The following ABCB1 variants were observed in gnomAD, a reference collection of about 807,000 sequenced individuals.
The protein encoded by ABCB1 is ATP-dependent translocase ABCB1.
Under a neutral mutation model 142.0 loss-of-function variants are expected in ABCB1, and 69 were observed. The ratio of observed to expected loss-of-function variants is 0.49; its 90% confidence interval spans 0.40 to 0.59. The LOEUF (loss-of-function observed/expected upper bound fraction) is 0.59, where lower values mean the gene tolerates loss of function less well. Ranked by LOEUF, ABCB1 falls within the 20% of genes least tolerant of loss-of-function variation. The pLI is 0.00. For synonymous variants in ABCB1, 532 were observed against 539.2 expected, an observed-to-expected ratio of 0.99 and a Z score of 0.18; for missense variants, 1,326 against 1,554.7, an observed-to-expected ratio of 0.85 and a Z score of 2.47.
At chr7:87,602,062 C>T (rs1199660805), upstream of ABCB1, among the ~76,000 whole-genome samples, 1 of 152,006 alleles carries the variant, frequency 6.6e-6, no homozygotes, top group East Asian at 1.9e-4. Flanking sequence ...GGCAGGATCT[C>T]GGCTCACTGC....
intron 1 of ABCB1, chr7:87,628,701 A>G (rs1414293845): frequency 1.8e-6 from 1 of 566,886 alleles, no homozygotes; most frequent in Non-Finnish European, 2.6e-6. Context: ...TCCTCCCTCC[A>G]GGCTCCTTTC....
Position 87,649,096 on chromosome 7 carries a change from C to T in ABCB1, c.-330-48018G>A, listed in dbSNP as rs73705292. Among the ~76,000 whole-genome samples, 492 of 152,088 alleles carry T rather than the reference C, an allele frequency of 3.2e-3. 3 individuals carry two copies. The highest frequency in any genetic ancestry group is 0.011 in the African/African-American group (463 of 41,492). On this transcript the variant is annotated intron_variant, in intron 1 of 28. Coordinates refer to the ABCB1 transcript ENST00000265724. ...AGCTCCCCTTATCTTCTTGATTCCC[C>T]ACTGTCTTAGGCACTCATATACCAT...
At chr7:87,702,142 CAAAAAAAAAA>C (rs146127516) in intron 1 of ABCB1, among the ~76,000 whole-genome samples, 12 of 16,772 alleles carry the variant, frequency 7.2e-4, no homozygotes, top group East Asian at 5.2e-3. Context: ...GACTCTGTCT[CAAAAAAAAAA>C]AAAAAAAAAA....
intron 1 of ABCB1, among the ~76,000 whole-genome samples, chr7:87,635,846 G>A (rs1267733184): frequency 6.6e-6 from 1 of 152,144 alleles, no homozygotes; most frequent in African/African-American, 2.4e-5. Flanking sequence ...GAATAATACA[G>A]TATAGACCTT....
chr7:87,538,916 C>A (rs139596740), intron 19 of ABCB1, among the ~76,000 whole-genome samples: 1 of 151,990 alleles, frequency 6.6e-6, no homozygotes, highest in Admixed American at 6.6e-5. Context: ...AAGAAACACT[C>A]GTGCCCTGGG....
At chr7:87,708,591 C>T (rs1196328269) in intron 1 of ABCB1, among the ~76,000 whole-genome samples, 1 of 152,038 alleles carries the variant, frequency 6.6e-6, no homozygotes, top group African/African-American at 2.4e-5. Context: ...TAAGAGTTGT[C>T]TGTCAGATAT....
intron 6 of ABCB1, 121 bp downstream of exon 6, chr7:87,566,664 T>C: frequency 9.8e-7 from 1 of 1,022,346 alleles, no homozygotes; most frequent in South Asian, 1.4e-5. Context: ...TTAGAAGGAA[T>C]TTTGTCTCAT....
intron 1 of ABCB1, among the ~76,000 whole-genome samples, chr7:87,657,340 C>T (rs917818908): frequency 2.6e-5 from 4 of 152,128 alleles, no homozygotes; most frequent in African/African-American, 9.7e-5. Flanking sequence ...AGCCAAAGGA[C>T]CAGAGAAAGA....
intron 1 of ABCB1, among the ~76,000 whole-genome samples, chr7:87,686,776 G>GA (rs555870738): frequency 0.022 from 2,357 of 106,930 alleles, 31 homozygotes; most frequent in African/African-American, 0.042. Context: ...CCCGCCTCTA[G>GA]AAAAAAAAAA....
At chr7:87,692,039 G>A (rs1044363705) in intron 1 of ABCB1, among the ~76,000 whole-genome samples, 3 of 152,242 alleles carry the variant, frequency 2.0e-5, no homozygotes, top group Non-Finnish European at 4.4e-5. Flanking sequence ...TATAATTAAA[G>A]CAATTACATC....
chr7:87,513,364 G>A (rs1815100439), intron 25 of ABCB1, among the ~76,000 whole-genome samples: 1 of 152,100 alleles, frequency 6.6e-6, no homozygotes, highest in African/African-American at 2.4e-5. Context: ...AACTGATGCT[G>A]TCCATGTTTT....
chr7:87,561,529 T>C (rs1817563860), intron 7 of ABCB1, 142 bp from the exon 8 acceptor site: 1 of 824,818 alleles, frequency 1.2e-6, no homozygotes, highest in African/African-American at 1.7e-5. Context: ...GCCTTTGGTC[T>C]GTATTAACAG....
At chr7:87,543,965 A>G (rs1318358577) in intron 17 of ABCB1, among the ~76,000 whole-genome samples, 164 bp downstream of exon 17, 1 of 152,248 alleles carries the variant, frequency 6.6e-6, no homozygotes, top group Non-Finnish European at 1.5e-5. Flanking sequence ...TAGCTCTCCT[A>G]TCACAAACCA....
At chr7:87,650,399 C>T (rs1823456412) in intron 1 of ABCB1, among the ~76,000 whole-genome samples, 1 of 151,858 alleles carries the variant, frequency 6.6e-6, no homozygotes, top group Non-Finnish European at 1.5e-5. Context: ...CTGGTGAGAG[C>T]CCATTCCTCA....
intron 1 of ABCB1, among the ~76,000 whole-genome samples, chr7:87,609,760 A>C (rs570385589): frequency 6.6e-6 from 1 of 152,214 alleles, no homozygotes; most frequent in African/African-American, 2.4e-5. Context: ...CCTAGAGTAC[A>C]TTTTATCTAC....
At chr7:87,641,753 TTTG>T (rs1325939868) in intron 1 of ABCB1, among the ~76,000 whole-genome samples, 2 of 152,206 alleles carry the variant, frequency 1.3e-5, no homozygotes, top group Non-Finnish European at 2.9e-5. Flanking sequence ...ATGCCCACAT[TTTG>T]TTGTTTTAGC....
At chr7:87,651,637 T>A (rs992352522) in intron 1 of ABCB1, among the ~76,000 whole-genome samples, 3 of 152,156 alleles carry the variant, frequency 2.0e-5, no homozygotes, top group Non-Finnish European at 4.4e-5. Flanking sequence ...TTTTTTATTA[T>A]CTTTACAATC....
chr7:87,540,354 G>A (rs953734415), intron 18 of ABCB1, among the ~76,000 whole-genome samples: 2 of 152,196 alleles, frequency 1.3e-5, no homozygotes, highest in African/African-American at 2.4e-5. Flanking sequence ...GTTTACTTAT[G>A]TGCCCAAGGA....
intron 1 of ABCB1, among the ~76,000 whole-genome samples, chr7:87,626,751 T>TCATATATATGTGTCATATATATGA (rs1820666691): frequency 4.2e-5 from 2 of 47,152 alleles, no homozygotes; most frequent in Non-Finnish European, 1.3e-4. Flanking sequence ...CATATATATG[T>TCATATATATGTGTCATATATATGA]CATATATATG....
Sources: allele counts gnomAD v4.1 joint callset (sites outside exome capture counted in the v4.1 genomes callset), GRCh38; gene constraint gnomAD v4.1.1; transcripts MANE v1.5; gene names NCBI Gene and HGNC (gene_info 2026-07-23, HGNC 2026-07-21).